The following CES1 variants were observed in gnomAD, a reference collection of about 807,000 sequenced individuals.
CES1 encodes the protein liver carboxylesterase 1.
CES1 carries 50 observed loss-of-function variants against 53.0 expected under a neutral mutation model. The observed-to-expected ratio is 0.94, with a 90% confidence interval of 0.75 to 1.19. CES1 has a LOEUF of 1.19. Ranked by LOEUF, CES1 falls within the 50% of genes most tolerant of loss-of-function variation. CES1 has a pLI of 0.00. For missense variants in CES1, 534 were observed against 538.0 expected, an observed-to-expected ratio of 0.99 and a Z score of 0.07; for synonymous variants, 202 against 210.1, an observed-to-expected ratio of 0.96 and a Z score of 0.33.
chr16:55,821,324 A>G (rs1400542252), intron 5 of CES1, 44 bp downstream of exon 5: 3 of 1,613,226 alleles, frequency 1.9e-6, no homozygotes, highest in Non-Finnish European at 2.5e-6. Context: ...TCTCATCAGC[A>G]TCACATCAAG....
At position 55,813,024 on chromosome 16, in the gene CES1, G is replaced by A; in HGVS notation, c.965C>T (p.Thr322Ile). Residue 322 changes from threonine to isoleucine, a missense_variant, in exon 9 of 14, where the codon ACT (threonine) becomes ATT (isoleucine). By Grantham distance (89) the Thr-to-Ile change is moderately conservative (BLOSUM62 -1). Coordinates refer to ENST00000360526, the MANE Select transcript of CES1 (RefSeq NM_001025195.2). The stretch of plus-strand genomic sequence containing the variant: ...CAGCAGCAGCATCCCATCAATCACA[G>A]TGCCCAGAAGGGGTTGACTCTGGGG... ...DPRESQPLLG[T>I]VIDGMLLLKT... is the part of the protein sequence containing the mutation. 6.2e-7 allele frequency: 1 copy of A among 1,614,008 alleles called. No individual in the cohort carries two copies.
chr16:55,808,653 T>G (rs531533014), intron 11 of CES1, among the ~76,000 whole-genome samples: 62 of 152,222 alleles, frequency 4.1e-4, no homozygotes, highest in African/African-American at 1.2e-3. Context: ...TAGACATGTG[T>G]TTAGAGACTT....
At chr16:55,826,112 G>A in intron 3 of CES1, 39 bp downstream of exon 3, 1 of 1,613,672 alleles carries the variant, frequency 6.2e-7, no homozygotes, top group African/African-American at 1.3e-5. Flanking sequence ...GCGGGGTACT[G>A]GCACTGACAC....
At position 55,818,484 on chromosome 16, in the gene CES1, C is replaced by T. The variant is rs1439478879; in HGVS notation, c.906+1051G>A. ...ACAATGATCTGAAAGCTGAATTTCT[C>T]AGGAAAGATAAGGTGGAGTCAGGAT... is the stretch of plus-strand genomic sequence containing the variant. On this transcript the variant is annotated intron_variant, in intron 7 of 13. Coordinates refer to ENST00000360526, the MANE Select transcript of CES1 (RefSeq NM_001025195.2). 4.6e-5 allele frequency among the ~76,000 whole-genome samples: 7 copies of T among 152,134 alleles called. 1 individual carries two copies. The highest frequency in any genetic ancestry group is 1.3e-4 in the Admixed American group (2 of 15,280).
Position 55,813,011 on chromosome 16 carries a change from C to A in CES1, c.978G>T (p.Gly326=). Residue 326 remains glycine (G), a synonymous_variant, in exon 9 of 14, where the codon GGG becomes GGT. Transcript: ENST00000360526. ...CTTCAGGTGTTTTCAGCAGCAGCAT[C>A]CCATCAATCACAGTGCCCAGAAGGG... The part of the protein sequence containing the change: ...SQPLLGTVID[G]MLLLKTPEEL... 1.2e-6 allele frequency: 2 copies of A among 1,614,070 alleles called. No individual in the cohort carries two copies. Among genetic ancestry groups the A allele is most frequent in the Non-Finnish European group, 1.7e-6 (2 of 1,179,952 alleles).
At chr16:55,814,757 C>T (rs2031857957) in intron 8 of CES1, among the ~76,000 whole-genome samples, 1 of 152,206 alleles carries the variant, frequency 6.6e-6, no homozygotes, top group South Asian at 2.1e-4. Context: ...GCTTCTGGGA[C>T]CTTTGGTCTG....
chr16:55,813,097 C>A (rs1171750819), intron 8 of CES1, 54 bp from the exon 9 acceptor site: 2 of 1,610,596 alleles, frequency 1.2e-6, no homozygotes, highest in Admixed American at 3.3e-5. Context: ...ACACCCATGT[C>A]CCCAACTCTG....
In CES1 at chr16:55,819,900, G is replaced by A. The variant is rs538699359; in HGVS notation, c.802-261C>T. On this transcript the variant is annotated intron_variant, in intron 6 of 13. Transcript: ENST00000360526. Reference sequence around the variant, plus strand: ...GAAATGGACATAATCATCTCAAGGTGAATGTGTCAAGAAATGTGAGGTGGA... The same window carrying A: ...GAAATGGACATAATCATCTCAAGGTAAATGTGTCAAGAAATGTGAGGTGGA... The A allele has an allele frequency of 1.2e-5, 7 of 594,634 alleles. No homozygotes were observed. The East Asian group carries it at 1.7e-4, about 14-fold the overall frequency. 36.8% of individuals were successfully genotyped at this position (594,634 alleles called of 1,614,324 possible).
chr16:55,820,647 C>T (rs1269817878), intron 5 of CES1, among the ~76,000 whole-genome samples, 168 bp from the exon 6 acceptor site: 1 of 152,128 alleles, frequency 6.6e-6, no homozygotes, highest in Non-Finnish European at 1.5e-5. Context: ...CTTCCTACAG[C>T]TCCCAGCACC....
At chr16:55,812,668 T>C (rs1479925356) in intron 9 of CES1, among the ~76,000 whole-genome samples, 1 of 152,164 alleles carries the variant, frequency 6.6e-6, no homozygotes, top group African/African-American at 2.4e-5. Flanking sequence ...CACTTCAGGA[T>C]TCTTCAATAG....
At chr16:55,825,844 T>A (rs1469608565) in intron 3 of CES1, among the ~76,000 whole-genome samples, 1 of 152,234 alleles carries the variant, frequency 6.6e-6, no homozygotes, top group African/African-American at 2.4e-5. Context: ...TCTTACCCAA[T>A]CTTGGTATCA....
At chr16:55,828,374 T>A (rs1206346572) in intron 2 of CES1, among the ~76,000 whole-genome samples, 2 of 152,202 alleles carry the variant, frequency 1.3e-5, no homozygotes, top group Non-Finnish European at 2.9e-5. Flanking sequence ...ATTCATGGGA[T>A]CCTTCCTTCT....
chr16:55,809,754 A>G (rs1363692258), intron 11 of CES1, among the ~76,000 whole-genome samples: 1 of 152,186 alleles, frequency 6.6e-6, no homozygotes, highest in African/African-American at 2.4e-5. Flanking sequence ...AATCCTCTGG[A>G]TCCCATGCAG....
intron 2 of CES1, chr16:55,828,174 C>T (rs2142352603): frequency 5.5e-6 from 1 of 180,624 alleles, no homozygotes; most frequent in South Asian, 1.2e-4. Context: ...GATGGTGAGG[C>T]CAATTAGAAC....
intron 8 of CES1, among the ~76,000 whole-genome samples, chr16:55,814,688 G>A (rs1344962200): frequency 1.3e-5 from 2 of 152,236 alleles, no homozygotes; most frequent in African/African-American, 2.4e-5. Flanking sequence ...CCCATGGGCT[G>A]TATTTCCCTT....
intron 1 of CES1, among the ~76,000 whole-genome samples, chr16:55,830,294 A>G (rs1453548775): frequency 2.6e-5 from 4 of 152,182 alleles, no homozygotes; most frequent in African/African-American, 9.7e-5. Flanking sequence ...AATTACAAAT[A>G]ATACTGAGAT....
chr16:55,829,093 C>T (rs1424010643), intron 1 of CES1, 119 bp from the exon 2 acceptor site: 2 of 1,104,532 alleles, frequency 1.8e-6, no homozygotes, highest in Admixed American at 4.0e-5. Context: ...CCCTCTAGGC[C>T]TCAGTTTCTC....
At chr16:55,814,252 T>G (rs1383418229) in intron 8 of CES1, among the ~76,000 whole-genome samples, 1 of 152,224 alleles carries the variant, frequency 6.6e-6, no homozygotes, top group East Asian at 1.9e-4. Context: ...GTCTTAATTT[T>G]AGGTTTCACC....
intron 3 of CES1, 46 bp downstream of exon 3, chr16:55,826,105 G>A: frequency 1.2e-6 from 2 of 1,613,172 alleles, no homozygotes; most frequent in Middle Eastern, 1.7e-4. Context: ...AGAAGATGCG[G>A]GGTACTGGCA....
Sources: gnomAD v4.1 joint callset for allele counts (sites outside exome capture counted in the v4.1 genomes callset) on GRCh38, gnomAD v4.1.1 for gene constraint, MANE v1.5 for transcripts, NCBI Gene and HGNC (gene_info 2026-07-23, HGNC 2026-07-21) for gene names.